MED13: variants seen among roughly 807,000 people sequenced by gnomAD.
MED13 encodes the protein mediator complex subunit 13.
Under a neutral mutation model 225.2 loss-of-function variants are expected in MED13, and 23 were observed. The ratio of observed to expected loss-of-function variants is 0.10; its 90% confidence interval spans 0.07 to 0.14. The LOEUF is 0.14. MED13 is among the 10% of genes least tolerant of loss of function. The pLI, the probability that MED13 is intolerant of heterozygous loss-of-function variation, is 1.00. For synonymous variants in MED13, 942 were observed against 889.2 expected, an observed-to-expected ratio of 1.06 and a Z score of -1.06; for missense variants, 2,197 against 2,594.5, an observed-to-expected ratio of 0.85 and a Z score of 3.33.
In MED13 at chr17:61,994,536, A is replaced by G. The variant is rs189979015; in HGVS notation, c.2181+616T>C. ...TGAAAACTGGTAATTCACTTACAAC[A>G]TATTTTAAAATCACTGTCAAAATAG... is the stretch of plus-strand genomic sequence containing the variant. On this transcript the variant is annotated intron_variant, in intron 10 of 29. Transcript: ENST00000397786. Among the ~76,000 whole-genome samples the G allele has an allele frequency of 7.9e-5, 12 of 152,312 alleles. No homozygotes were observed. The East Asian group carries it at 2.3e-3, about 29-fold the overall frequency.
intron 28 of MED13, among the ~76,000 whole-genome samples, chr17:61,948,516 G>C (rs1173387099): frequency 6.6e-6 from 1 of 152,028 alleles, no homozygotes; most frequent in East Asian, 1.9e-4. Flanking sequence ...ATTTACCTCT[G>C]TTTTTCAGAC....
chr17:62,014,300 GTA>G (rs1181802201), intron 8 of MED13, among the ~76,000 whole-genome samples: 2 of 129,050 alleles, frequency 1.5e-5, no homozygotes, highest in Non-Finnish European at 3.0e-5. Context: ...GGGAAGTTCT[GTA>G]TATGTTTTTA....
At chr17:61,987,193 T>C (rs888670157) in intron 11 of MED13, 65 bp from the exon 12 acceptor site, 20 of 1,209,100 alleles carry the variant, frequency 1.7e-5, no homozygotes, top group African/African-American at 1.3e-4. Flanking sequence ...TCCCAGCACT[T>C]TGGGAGGCCG....
intron 9 of MED13, among the ~76,000 whole-genome samples, chr17:61,998,541 C>T (rs1303292014): frequency 6.7e-6 from 1 of 149,376 alleles, no homozygotes; most frequent in Non-Finnish European, 1.5e-5. Context: ...AGATAAGCTA[C>T]AGACGGAAAG....
chr17:61,980,209 A>T (rs1450762656), intron 16 of MED13, among the ~76,000 whole-genome samples: 1 of 151,358 alleles, frequency 6.6e-6, no homozygotes, highest in Non-Finnish European at 1.5e-5. Context: ...AAACAAACAA[A>T]AATTCCCTAT....
At chr17:62,013,149 C>T (rs1331499119) in intron 8 of MED13, among the ~76,000 whole-genome samples, 1 of 151,086 alleles carries the variant, frequency 6.6e-6, no homozygotes, top group African/African-American at 2.4e-5. Flanking sequence ...AAAAAAAGAA[C>T]CAAAGTTATC....
intron 28 of MED13, among the ~76,000 whole-genome samples, chr17:61,947,552 C>T (rs899993207): frequency 2.0e-5 from 3 of 152,118 alleles, no homozygotes; most frequent in South Asian, 4.1e-4. Flanking sequence ...TTTATGACTA[C>T]GCAGACATAC....
intron 8 of MED13, among the ~76,000 whole-genome samples, chr17:62,020,148 T>A (rs1241635518): frequency 2.6e-5 from 4 of 152,040 alleles, no homozygotes; most frequent in African/African-American, 9.7e-5. Context: ...TTTTAGATTA[T>A]TTTTTCCTAT....
intron 20 of MED13, 46 bp downstream of exon 20, chr17:61,964,960 A>G: frequency 6.5e-7 from 1 of 1,532,558 alleles, no homozygotes; most frequent in Non-Finnish European, 8.9e-7. Flanking sequence ...AAGAAGCAGC[A>G]TCATAGTTTT....
chr17:62,001,090 C>CT (rs1432960676), intron 9 of MED13, among the ~76,000 whole-genome samples: 5 of 152,014 alleles, frequency 3.3e-5, no homozygotes, highest in African/African-American at 4.8e-5. Context: ...TTCCAAGGTA[C>CT]TTCTACTTAG....
chr17:62,036,594 G>C (rs2080805817), intron 3 of MED13, among the ~76,000 whole-genome samples: 1 of 152,114 alleles, frequency 6.6e-6, no homozygotes, highest in Admixed American at 6.6e-5. Flanking sequence ...ATATGTATAA[G>C]CCCTCTTGAA....
intron 11 of MED13, 126 bp from the exon 12 acceptor site, chr17:61,987,254 G>A (rs2080255813): frequency 2.8e-5 from 12 of 431,820 alleles, no homozygotes; most frequent in Non-Finnish European, 4.5e-5. Context: ...GGCCAAGATG[G>A]TGAAACCCCG....
At chr17:61,988,547 A>G (rs560898276) in intron 11 of MED13, among the ~76,000 whole-genome samples, 1 of 152,190 alleles carries the variant, frequency 6.6e-6, no homozygotes, top group Admixed American at 6.5e-5. Context: ...AAATCATCTA[A>G]GATACTTACT....
chr17:62,060,258 A>G (rs2081027857), intron 2 of MED13, among the ~76,000 whole-genome samples: 3 of 151,830 alleles, frequency 2.0e-5, no homozygotes, highest in Non-Finnish European at 4.4e-5. Context: ...GCGCCACTGC[A>G]CTCCAGCCTG....
chr17:62,064,309 G>A (rs981888232), intron 1 of MED13, among the ~76,000 whole-genome samples: 1 of 152,160 alleles, frequency 6.6e-6, no homozygotes, highest in African/African-American at 2.4e-5. Context: ...CTTAACTGTT[G>A]GATGTTACCA....
chr17:62,011,691 G>A (rs557600759), intron 8 of MED13, among the ~76,000 whole-genome samples: 6 of 152,224 alleles, frequency 3.9e-5, no homozygotes, highest in East Asian at 3.9e-4. Context: ...GCCAGAAAGC[G>A]TATTCTACTC....
intron 27 of MED13, among the ~76,000 whole-genome samples, chr17:61,952,041 A>G (rs1273950452): frequency 6.6e-6 from 1 of 151,848 alleles, no homozygotes; most frequent in East Asian, 1.9e-4. Context: ...GGGAGTACAG[A>G]CGCCTGCCAC....
chr17:62,050,828 AC>A (rs1337555484), intron 3 of MED13, among the ~76,000 whole-genome samples: 37 of 152,216 alleles, frequency 2.4e-4, no homozygotes, highest in Admixed American at 2.0e-3. Context: ...ACATGGCAAA[AC>A]CCCGTTTCTA....
chr17:61,971,849 G>A (rs2143406120), intron 17 of MED13, among the ~76,000 whole-genome samples: 1 of 152,170 alleles, frequency 6.6e-6, no homozygotes, highest in Non-Finnish European at 1.5e-5. Context: ...CAGGAGAATT[G>A]TGTGAACCCA....
Sources: allele counts gnomAD v4.1 joint callset (sites outside exome capture counted in the v4.1 genomes callset), GRCh38; gene constraint gnomAD v4.1.1; transcripts MANE v1.5; gene names NCBI Gene and HGNC (gene_info 2026-07-23, HGNC 2026-07-21).